The following PKHD1 variants were observed in gnomAD, a reference collection of about 807,000 sequenced individuals.
PKHD1 encodes fibrocystin.
In PKHD1, 291 loss-of-function variants were observed where a neutral mutation model predicts 412.0. The observed-to-expected ratio is 0.71, with a 90% CI of 0.64 to 0.78. The LOEUF is 0.78. Ranked by LOEUF, PKHD1 falls within the 30% of genes least tolerant of loss-of-function variation. The pLI, the probability that PKHD1 is intolerant of heterozygous loss-of-function variation, is 0.00. For missense variants in PKHD1, 4,825 were observed against 4,950.7 expected (o/e 0.97, Z 0.76); for synonymous variants, 1,777 against 1,821.5 (o/e 0.98, Z 0.62).
chr6:52,027,843 C>A lies in PKHD1; in HGVS notation c.3614G>T (p.Cys1205Phe). The A allele has an allele frequency of 6.2e-7, 1 of 1,612,568 alleles. No homozygotes were observed. The highest frequency in any genetic ancestry group is 8.5e-7 in the Non-Finnish European group (1 of 1,178,554). The change falls in exon 31 of 67, where the codon TGT (cysteine) becomes TTT (phenylalanine). Residue 1205 changes from cysteine (C) to phenylalanine (F), a missense_variant. Transcript: ENST00000371117. ...LTEVFSIEPC[C>F]GSLLGGTILS... The stretch of plus-strand genomic sequence containing the variant: ...GAGCCACTCACCCAGCAGGGACCCA[C>A]AGCAAGGCTCGATGCTGAAAACTTC...
chr6:51,686,250 G>A (rs1777424630), intron 60 of PKHD1, among the ~76,000 whole-genome samples: 1 of 152,102 alleles, frequency 6.6e-6, no homozygotes, highest in Non-Finnish European at 1.5e-5. Context: ...AAAATGATTA[G>A]ACTTGGTAAT....
intron 11 of PKHD1, among the ~76,000 whole-genome samples, chr6:52,068,420 G>A (rs1460771159): frequency 6.6e-6 from 1 of 152,192 alleles, no homozygotes; most frequent in Non-Finnish European, 1.5e-5. Flanking sequence ...TGATAGCAAT[G>A]GGCAGGCTCA....
At position 51,767,334 on chromosome 6, in the gene PKHD1, CTTTTA is replaced by C. The variant is rs1185940594; in HGVS notation, c.8642+5363_8642+5367del. ...CTCAGTATGTTCCTCTTATTCTTTT[CTTTTA>C]TTTTATTATTATTATACTTCAAGTT... On this transcript the variant is annotated intron_variant, in intron 55 of 66. Coordinates refer to ENST00000371117, the MANE Select transcript of PKHD1 (RefSeq NM_138694.4). 1.3e-4 allele frequency among the ~76,000 whole-genome samples: 19 copies of C among 151,442 alleles called. No homozygotes were observed. The East Asian group carries it at 2.3e-3, about 19-fold the overall frequency.
At chr6:51,734,971 G>A (rs188551476) in intron 60 of PKHD1, among the ~76,000 whole-genome samples, 1 of 152,276 alleles carries the variant, frequency 6.6e-6, no homozygotes, top group Non-Finnish European at 1.5e-5. Flanking sequence ...ATGCCACATG[G>A]ATGTTTAGGA....
At chr6:51,704,565 G>A (rs1394739836) in intron 60 of PKHD1, among the ~76,000 whole-genome samples, 1 of 152,094 alleles carries the variant, frequency 6.6e-6, no homozygotes, top group African/African-American at 2.4e-5. Flanking sequence ...AAATTAAGAA[G>A]AAAGGATGGA....
chr6:52,043,792 A>G (rs976263806), intron 25 of PKHD1, 62 bp from the exon 26 acceptor site: 1 of 1,166,782 alleles, frequency 8.6e-7, no homozygotes, highest in Non-Finnish European at 1.3e-6. Flanking sequence ...GGTATTCATA[A>G]AGTATATGTG....
At chr6:51,693,242 G>A (rs1455368049) in intron 60 of PKHD1, among the ~76,000 whole-genome samples, 1 of 152,178 alleles carries the variant, frequency 6.6e-6, no homozygotes, top group Non-Finnish European at 1.5e-5. Flanking sequence ...TTTTCTCTAT[G>A]AAGGCATTTC....
intron 35 of PKHD1, among the ~76,000 whole-genome samples, chr6:51,969,612 A>C (rs1793364397): frequency 6.6e-6 from 1 of 152,178 alleles, no homozygotes; most frequent in Non-Finnish European, 1.5e-5. Context: ...CCATGTGTAC[A>C]CATTATTTAG....
chr6:51,651,570 TAGC>T (rs1770981122), intron 61 of PKHD1, among the ~76,000 whole-genome samples: 1 of 152,114 alleles, frequency 6.6e-6, no homozygotes, highest in Non-Finnish European at 1.5e-5. Context: ...GATAGGTCAA[TAGC>T]AGCCAAGAGA....
At chr6:51,702,177 A>G (rs1779509868) in intron 60 of PKHD1, among the ~76,000 whole-genome samples, 1 of 146,894 alleles carries the variant, frequency 6.8e-6, no homozygotes, top group African/African-American at 2.5e-5. Flanking sequence ...TATGTATAAT[A>G]TATAATATAT....
intron 43 of PKHD1, among the ~76,000 whole-genome samples, chr6:51,894,099 A>G (rs1173331444): frequency 6.6e-6 from 1 of 152,234 alleles, no homozygotes; most frequent in Non-Finnish European, 1.5e-5. Flanking sequence ...TCTTCTGGAA[A>G]GATGCAGCCT....
intron 63 of PKHD1, among the ~76,000 whole-genome samples, chr6:51,647,069 C>T (rs34384282): frequency 1.3e-5 from 2 of 152,178 alleles, no homozygotes; most frequent in African/African-American, 2.4e-5. Context: ...CTTGATCTCC[C>T]TTAGTTATGA....
rs983165510 is a variant in PKHD1, at chr6:51,941,501, C to T, written c.5909-7179G>A. ...CGATCTCCTGACCTCATGATCCACC[C>T]GCCTCGGCCTCCCAAAGTGCTGGGA... On this transcript the variant is annotated intron_variant, in intron 36 of 66. Transcript: ENST00000371117. Among the ~76,000 whole-genome samples the T allele has an allele frequency of 3.4e-4, 51 of 150,530 alleles. 2 individuals carry two copies. The highest frequency in any genetic ancestry group is 6.2e-4 in the Non-Finnish European group (42 of 67,378).
intron 60 of PKHD1, among the ~76,000 whole-genome samples, chr6:51,709,423 T>C (rs996556827): frequency 6.6e-5 from 10 of 152,242 alleles, no homozygotes; most frequent in Admixed American, 5.9e-4. Context: ...AGCAAAATTA[T>C]TAACTGTTTT....
Position 51,948,348 on chromosome 6 carries a change from T to A in PKHD1, c.5908+11522A>T, listed in dbSNP as rs115345117. On this transcript the variant is annotated intron_variant, in intron 36 of 66. Coordinates refer to ENST00000371117, the MANE Select transcript of PKHD1 (RefSeq NM_138694.4). ...ACAGCGTTGGTTCTCTCTGGCCCCA[T>A]CTGCCTCTGCTCTCCCCCTTGTTCC... Among the ~76,000 whole-genome samples, 586 of 152,238 alleles carry A rather than the reference T, an allele frequency of 3.8e-3. 6 individuals carry two copies. The highest frequency in any genetic ancestry group is 0.027 in the Middle Eastern group (8 of 294).
At chr6:51,949,652 G>A (rs1275942608) in intron 36 of PKHD1, among the ~76,000 whole-genome samples, 1 of 152,142 alleles carries the variant, frequency 6.6e-6, no homozygotes, top group African/African-American at 2.4e-5. Context: ...AATTTGGCTG[G>A]CAAACGAGAG....
At chr6:52,064,078 C>G (rs959056577) in intron 13 of PKHD1, among the ~76,000 whole-genome samples, 3 of 152,244 alleles carry the variant, frequency 2.0e-5, no homozygotes, top group African/African-American at 7.2e-5. Context: ...GGAGAATTCT[C>G]AAGCCAAAAC....
chr6:51,896,533 C>A (rs1780051874), intron 43 of PKHD1, among the ~76,000 whole-genome samples: 1 of 151,472 alleles, frequency 6.6e-6, no homozygotes, highest in South Asian at 2.1e-4. Context: ...TCATCAAAGA[C>A]CAAAAGTAGA....
Position 52,082,495 on chromosome 6 carries a change from T to A in PKHD1, c.178A>T (p.Ile60Leu). ...LYPNNGSQLE[I>L]HLVNVNMVVP... ...ACCATGTTCACGTTCACCAGGTGTA[T>A]CTCCAATTGAGAGCCATTGTTGGGG... is the stretch of plus-strand genomic sequence containing the variant. The change falls in exon 4 of 67, where the codon ATA (isoleucine) becomes TTA (leucine). Residue 60 changes from isoleucine (I) to leucine (L), a missense_variant. Transcript: ENST00000371117. The A allele has an allele frequency of 6.2e-7, 1 of 1,614,038 alleles. No individual in the cohort carries two copies. The highest frequency in any genetic ancestry group is 8.5e-7 in the Non-Finnish European group (1 of 1,179,944).
Sources: allele counts gnomAD v4.1 joint callset (sites outside exome capture counted in the v4.1 genomes callset), GRCh38; gene constraint gnomAD v4.1.1; transcripts MANE v1.5; gene names NCBI Gene and HGNC (gene_info 2026-07-23, HGNC 2026-07-21).